Variants in GNAQ observed in about 807,000 individuals in gnomAD.
GNAQ encodes G protein subunit alpha q, also known as guanine nucleotide-binding protein G(q) subunit alpha.
GNAQ carries 8 observed loss-of-function variants against 43.9 expected under a neutral mutation model. That is an observed-to-expected ratio of 0.18 (90% CI 0.11 to 0.33). GNAQ has a LOEUF of 0.33. Among genes scored for constraint, GNAQ ranks in the 10% least tolerant of loss-of-function variants. The probability of loss-of-function intolerance (pLI) is 1.00; values close to 1 mark genes in which losing one functional copy is unlikely to be tolerated. For synonymous variants in GNAQ, 155 were observed against 170.7 expected (o/e 0.91, Z 0.71); for missense variants, 158 against 450.8 (o/e 0.35, Z 5.88).
At chr9:77,892,175 C>A (rs1289421253) in intron 2 of GNAQ, among the ~76,000 whole-genome samples, 4 of 152,122 alleles carry the variant, frequency 2.6e-5, no homozygotes, top group Admixed American at 2.0e-4. Context: ...GATTTTGAGT[C>A]CACTGAGCTC....
At chr9:77,822,594 C>A (rs567906843) in intron 2 of GNAQ, among the ~76,000 whole-genome samples, 2 of 138,434 alleles carry the variant, frequency 1.4e-5, no homozygotes. Flanking sequence ...TTCAGACAGG[C>A]GAAAAAATAA....
intron 5 of GNAQ, among the ~76,000 whole-genome samples, chr9:77,769,868 G>A (rs1385333528): frequency 6.6e-6 from 1 of 151,962 alleles, no homozygotes; most frequent in East Asian, 1.9e-4. Context: ...GGGTTTCACT[G>A]TGTTAGCCAG....
chr9:77,896,907 A>G (rs1283625517), intron 2 of GNAQ, among the ~76,000 whole-genome samples: 6 of 152,258 alleles, frequency 3.9e-5, no homozygotes, highest in African/African-American at 1.4e-4. Flanking sequence ...TTGTCATAAA[A>G]GAGGAAAATG....
chr9:77,761,095 C>T (rs1245664018), intron 5 of GNAQ, among the ~76,000 whole-genome samples: 1 of 152,126 alleles, frequency 6.6e-6, no homozygotes, highest in Non-Finnish European at 1.5e-5. Context: ...GCCCGGCAGC[C>T]GCCCTGTCCA....
intron 3 of GNAQ, among the ~76,000 whole-genome samples, chr9:77,813,690 C>A (rs1027026952): frequency 6.6e-6 from 1 of 152,002 alleles, no homozygotes; most frequent in Non-Finnish European, 1.5e-5. Flanking sequence ...AAGGGGGAGA[C>A]GTAACCCTAG....
intron 2 of GNAQ, among the ~76,000 whole-genome samples, chr9:77,914,667 CA>C (rs1193444794): frequency 7.0e-5 from 10 of 143,162 alleles, no homozygotes; most frequent in Non-Finnish European, 4.6e-5. Flanking sequence ...CGTCTCAAAA[CA>C]AAAAAAAAAG....
chr9:77,954,008 T>C (rs1355476623), intron 1 of GNAQ, among the ~76,000 whole-genome samples: 1 of 152,232 alleles, frequency 6.6e-6, no homozygotes, highest in Non-Finnish European at 1.5e-5. Context: ...CTTTACCAAG[T>C]GGCATAAAAA....
chr9:77,737,307 A>G (rs189837777), intron 5 of GNAQ, among the ~76,000 whole-genome samples: 2 of 152,356 alleles, frequency 1.3e-5, no homozygotes, highest in East Asian at 3.9e-4. Context: ...ATTGCACTGC[A>G]AACTCAAATC....
intron 1 of GNAQ, among the ~76,000 whole-genome samples, chr9:78,019,042 C>A (rs1442857988): frequency 6.6e-6 from 1 of 152,094 alleles, no homozygotes; most frequent in African/African-American, 2.4e-5. Context: ...TCTCAAAGGA[C>A]AGAGCTAGTG....
At chr9:78,012,159 G>C (rs1409392249) in intron 1 of GNAQ, among the ~76,000 whole-genome samples, 2 of 151,404 alleles carry the variant, frequency 1.3e-5, no homozygotes, top group African/African-American at 4.9e-5. Context: ...AGCAAGGTAG[G>C]TAAAAAAGAG....
At position 77,765,284 on chromosome 9, in the gene GNAQ, C is replaced by G. The variant is rs144283451; in HGVS notation, c.735+29179G>C. Among the ~76,000 whole-genome samples the G allele has an allele frequency of 7.5e-4, 114 of 152,006 alleles. 3 individuals carry two copies. The East Asian group carries it at 0.019, about 26-fold the overall frequency. On this transcript the variant is annotated intron_variant, in intron 5 of 6. Coordinates refer to ENST00000286548, the MANE Select transcript of GNAQ (RefSeq NM_002072.5). Reference sequence around the variant, plus strand: ...TTCTTATTAAGACTGAATGCCATTACTTGGTAAACTAAAGAAAATAATAAT... The same window carrying G: ...TTCTTATTAAGACTGAATGCCATTAGTTGGTAAACTAAAGAAAATAATAAT...
intron 2 of GNAQ, among the ~76,000 whole-genome samples, chr9:77,850,389 C>T (rs1646152233): frequency 6.6e-6 from 1 of 152,144 alleles, no homozygotes; most frequent in South Asian, 2.1e-4. Context: ...CTCCTCTACA[C>T]CTCCACCTCT....
intron 1 of GNAQ, among the ~76,000 whole-genome samples, chr9:77,990,519 A>C (rs1435400579): frequency 6.6e-6 from 1 of 152,172 alleles, no homozygotes; most frequent in Admixed American, 6.5e-5. Context: ...CACAACATCC[A>C]ACCTCTTTTA....
chr9:77,860,309 T>C (rs922512346), intron 2 of GNAQ, among the ~76,000 whole-genome samples: 3 of 152,080 alleles, frequency 2.0e-5, no homozygotes, highest in Non-Finnish European at 2.9e-5. Context: ...TCTGACTAGT[T>C]TCCCTGCTAG....
intron 2 of GNAQ, among the ~76,000 whole-genome samples, chr9:77,916,258 G>A (rs750472687): frequency 4.8e-4 from 73 of 152,158 alleles, no homozygotes; most frequent in African/African-American, 1.7e-3. Flanking sequence ...GCTCTTCAGA[G>A]GGGTAGATAA....
chr9:77,989,518 G>C (rs909691127), intron 1 of GNAQ, among the ~76,000 whole-genome samples: 2 of 152,224 alleles, frequency 1.3e-5, no homozygotes, highest in Non-Finnish European at 2.9e-5. Flanking sequence ...GGGCTCTGGG[G>C]AAGTTTTCCT....
intron 1 of GNAQ, among the ~76,000 whole-genome samples, chr9:78,001,459 A>G (rs1006882605): frequency 6.6e-6 from 1 of 152,160 alleles, no homozygotes; most frequent in East Asian, 1.9e-4. Flanking sequence ...GCACCAAGAT[A>G]TATCCCCAAA....
At chr9:77,886,744 G>C (rs1268240737) in intron 2 of GNAQ, among the ~76,000 whole-genome samples, 2 of 152,064 alleles carry the variant, frequency 1.3e-5, no homozygotes, top group African/African-American at 4.8e-5. Flanking sequence ...ACGCTGTAAA[G>C]AAAAGCTACT....
chr9:77,744,124 G>A (rs1476765546), intron 5 of GNAQ, among the ~76,000 whole-genome samples: 1 of 152,176 alleles, frequency 6.6e-6, no homozygotes, highest in African/African-American at 2.4e-5. Context: ...TCTCTTAGTG[G>A]TAGGAAAGTT....
Sources: gnomAD v4.1 joint callset for allele counts (sites outside exome capture counted in the v4.1 genomes callset) on GRCh38, gnomAD v4.1.1 for gene constraint, MANE v1.5 for transcripts, NCBI Gene and HGNC (gene_info 2026-07-23, HGNC 2026-07-21) for gene names.